Variants in PIK3C2G observed in about 807,000 individuals in gnomAD.
PIK3C2G encodes the protein phosphatidylinositol 3-kinase C2 domain-containing subunit gamma.
In PIK3C2G, 168 loss-of-function variants were observed where a neutral mutation model predicts 181.1. The ratio of observed to expected loss-of-function variants is 0.93; its 90% CI spans 0.82 to 1.05. The LOEUF (loss-of-function observed/expected upper bound fraction) is 1.05. Among genes scored for constraint, PIK3C2G ranks in the 50% least tolerant of loss-of-function variants. The pLI is 0.00. For missense variants in PIK3C2G, 1,869 were observed against 1,732.8 expected (o/e 1.08, Z -1.40); for synonymous variants, 573 against 592.2 (o/e 0.97, Z 0.47).
At chr12:18,370,360 TA>T (rs1175770171) in intron 12 of PIK3C2G, among the ~76,000 whole-genome samples, 1 of 152,198 alleles carries the variant, frequency 6.6e-6, no homozygotes, top group African/African-American at 2.4e-5. Context: ...TAGCCAATTT[TA>T]TTTGCTAGTA....
chr12:18,577,565 C>T (rs915843215), intron 29 of PIK3C2G, among the ~76,000 whole-genome samples: 2 of 152,122 alleles, frequency 1.3e-5, no homozygotes, highest in African/African-American at 4.8e-5. Context: ...ACATGAAGTA[C>T]TGTTGTGAAA....
the PIK3C2G span, among the ~76,000 whole-genome samples, chr12:18,679,934 ACC>A: frequency 1.3e-5 from 2 of 151,948 alleles, no homozygotes; most frequent in African/African-American, 2.4e-5. Flanking sequence ...CTTCAATTCA[ACC>A]CTCCAGTGTT....
At chr12:18,610,863 T>C (rs1215631320) in intron 31 of PIK3C2G, among the ~76,000 whole-genome samples, 1 of 152,140 alleles carries the variant, frequency 6.6e-6, no homozygotes, top group Non-Finnish European at 1.5e-5. Flanking sequence ...AAATTAGTCT[T>C]GAACATAGTC....
At chr12:18,381,998 C>A in intron 14 of PIK3C2G, 118 bp downstream of exon 14, 2 of 673,568 alleles carry the variant, frequency 3.0e-6, no homozygotes, top group South Asian at 3.4e-5. Flanking sequence ...CCTTCTCTGC[C>A]TCCAGCCTTC....
chr12:18,546,942 G>C (rs944671435), intron 26 of PIK3C2G, among the ~76,000 whole-genome samples: 1 of 151,970 alleles, frequency 6.6e-6, no homozygotes, highest in Admixed American at 6.6e-5. Flanking sequence ...ATGAATATCA[G>C]ACCCCAAATC....
At chr12:18,335,235 C>T (rs117050193) in intron 8 of PIK3C2G, among the ~76,000 whole-genome samples, 2,347 of 152,166 alleles carry the variant, frequency 0.015, 28 homozygotes, top group Non-Finnish European at 0.026. Flanking sequence ...CTACCTTCAC[C>T]AAGTGATTTA....
At chr12:18,262,331 A>C (rs1268976741) in intron 1 of PIK3C2G, among the ~76,000 whole-genome samples, 1 of 152,060 alleles carries the variant, frequency 6.6e-6, no homozygotes, top group African/African-American at 2.4e-5. Flanking sequence ...GTACATAGTG[A>C]TCTCCTTTTT....
upstream of PIK3C2G, among the ~76,000 whole-genome samples, chr12:18,256,602 C>T (rs764744644): frequency 2.4e-4 from 36 of 152,046 alleles, no homozygotes; most frequent in Non-Finnish European, 4.4e-4. Context: ...ACCTCTAGCC[C>T]GAGTACGTAT....
At position 18,538,161 on chromosome 12, in the gene PIK3C2G, G is replaced by A. The variant is rs1368705250; in HGVS notation, c.3329G>A (p.Arg1110Gln). Residue 1110 changes from arginine to glutamine, a missense_variant, in exon 25 of 33, where the codon CGA becomes CAA. By Grantham distance (43) the Arg-to-Gln change is conservative. Transcript: ENST00000538779. ...AQTFGGIKRD[R>Q]APFIFTSEME... is the part of the protein sequence containing the mutation. ...CTACTGTTTTTGGTTTACAGGGACC[G>A]AGCTCCTTTCATTTTTACTTCAGAG... is the stretch of plus-strand genomic sequence containing the variant. 1.3e-5 allele frequency: 21 copies of A among 1,610,592 alleles called. No individual in the cohort carries two copies. The highest frequency in any genetic ancestry group is 1.6e-4 in the Middle Eastern group (1 of 6,070).
At chr12:18,613,222 T>C (rs1948432210) in intron 31 of PIK3C2G, among the ~76,000 whole-genome samples, 1 of 152,088 alleles carries the variant, frequency 6.6e-6, no homozygotes, top group African/African-American at 2.4e-5. Flanking sequence ...CTCTTCTCCC[T>C]GCTCCAGAAT....
intron 24 of PIK3C2G, among the ~76,000 whole-genome samples, chr12:18,510,619 T>G (rs932627733): frequency 2.0e-5 from 3 of 152,194 alleles, no homozygotes; most frequent in Admixed American, 6.5e-5. Flanking sequence ...TTTGTAGCTT[T>G]CTTTCTAGAT....
chr12:18,534,073 C>T (rs531729107), intron 24 of PIK3C2G, among the ~76,000 whole-genome samples: 5 of 151,508 alleles, frequency 3.3e-5, no homozygotes, highest in African/African-American at 9.7e-5. Context: ...CCTCAGCCTC[C>T]CGAGTAGCTG....
At chr12:18,694,380 C>G in the PIK3C2G span, among the ~76,000 whole-genome samples, 4 of 152,068 alleles carry the variant, frequency 2.6e-5, no homozygotes, top group African/African-American at 9.7e-5. Context: ...AAAGTTGACA[C>G]AAATTAACAG....
At chr12:18,543,344 C>A (rs954815620) in intron 25 of PIK3C2G, among the ~76,000 whole-genome samples, 4 of 151,694 alleles carry the variant, frequency 2.6e-5, no homozygotes, top group Admixed American at 6.6e-5. Context: ...GTAGGTTGCC[C>A]GTTTACTCCG....
At chr12:18,544,780 C>T (rs1031205714) in intron 25 of PIK3C2G, among the ~76,000 whole-genome samples, 1 of 151,816 alleles carries the variant, frequency 6.6e-6, no homozygotes, top group Admixed American at 6.6e-5. Context: ...CCAGGACTCC[C>T]TCATCCATCT....
the PIK3C2G span, among the ~76,000 whole-genome samples, chr12:18,660,788 T>A: frequency 6.6e-6 from 1 of 152,124 alleles, no homozygotes; most frequent in Non-Finnish European, 1.5e-5. Flanking sequence ...CAGGAAAGTA[T>A]GTCTCATTCA....
intron 18 of PIK3C2G, among the ~76,000 whole-genome samples, chr12:18,473,835 G>C (rs773136175): frequency 7.2e-5 from 11 of 152,062 alleles, no homozygotes; most frequent in Non-Finnish European, 2.9e-5. Flanking sequence ...GAATATCCTT[G>C]AAACCAGTTT....
the PIK3C2G span, among the ~76,000 whole-genome samples, chr12:18,711,205 T>TA: frequency 1.3e-5 from 2 of 151,328 alleles, no homozygotes; most frequent in African/African-American, 2.4e-5. Context: ...TATGCAACCA[T>TA]AAAAAATGAA....
At chr12:18,630,751 T>C (rs1949315523) in intron 31 of PIK3C2G, among the ~76,000 whole-genome samples, 1 of 152,092 alleles carries the variant, frequency 6.6e-6, no homozygotes, top group Non-Finnish European at 1.5e-5. Context: ...AGAATTAAAG[T>C]TAGATGACTT....
Sources: gnomAD v4.1 joint callset for allele counts (sites outside exome capture counted in the v4.1 genomes callset) on GRCh38, gnomAD v4.1.1 for gene constraint, MANE v1.5 for transcripts, NCBI Gene and HGNC (gene_info 2026-07-23, HGNC 2026-07-21) for gene names.